MSI2: variants seen among roughly 807,000 people sequenced by gnomAD.
MSI2 encodes the protein musashi RNA binding protein 2.
MSI2 carries 17 observed loss-of-function variants against 45.6 expected under a neutral mutation model. The ratio of observed to expected loss-of-function variants is 0.37; its 90% confidence interval spans 0.26 to 0.56. MSI2 has a LOEUF of 0.56. Ranked by LOEUF, MSI2 falls within the 20% of genes least tolerant of loss-of-function variation. MSI2 has a pLI of 0.77. For missense variants in MSI2, 293 were observed against 444.2 expected (o/e 0.66, Z 3.06); for synonymous variants, 156 against 158.2 (o/e 0.99, Z 0.11).
At chr17:57,390,118 C>T (rs1217780450) in intron 5 of MSI2, among the ~76,000 whole-genome samples, 4 of 151,360 alleles carry the variant, frequency 2.6e-5, no homozygotes, top group Non-Finnish European at 5.9e-5. Flanking sequence ...CAGATGTGGT[C>T]GTGTGTGCAT....
intron 5 of MSI2, among the ~76,000 whole-genome samples, chr17:57,276,245 G>A (rs1386339367): frequency 6.6e-6 from 1 of 152,166 alleles, no homozygotes; most frequent in East Asian, 1.9e-4. Flanking sequence ...ATCGAGTTAT[G>A]GGCCGTGTGG....
intron 5 of MSI2, among the ~76,000 whole-genome samples, chr17:57,295,992 C>CTTTTTTTTTTT (rs386386327): frequency 7.8e-5 from 3 of 38,654 alleles, no homozygotes; most frequent in African/African-American, 1.4e-4. Context: ...CGCAGCCTTC[C>CTTTTTTTTTTT]TTTTTTTTTT....
chr17:57,379,794 A>AT (rs1261725050), intron 5 of MSI2, among the ~76,000 whole-genome samples: 1 of 151,666 alleles, frequency 6.6e-6, no homozygotes, highest in Non-Finnish European at 1.5e-5. Flanking sequence ...TCAGCTCTTG[A>AT]TTGTTTAATA....
intron 10 of MSI2, among the ~76,000 whole-genome samples, chr17:57,641,978 G>T (rs574410476): frequency 6.6e-6 from 1 of 152,214 alleles, no homozygotes; most frequent in Non-Finnish European, 1.5e-5. Context: ...GGGGGCCAGC[G>T]TCGGAGCCCT....
At chr17:57,659,044 G>GT (rs571416283) in intron 11 of MSI2, among the ~76,000 whole-genome samples, 35 of 147,758 alleles carry the variant, frequency 2.4e-4, no homozygotes, top group East Asian at 6.2e-4. Context: ...TTTTGCAGAG[G>GT]TTTTTTTTTT....
intron 5 of MSI2, among the ~76,000 whole-genome samples, chr17:57,336,438 T>C (rs910127725): frequency 2.0e-5 from 3 of 152,236 alleles, no homozygotes; most frequent in Middle Eastern, 3.2e-3. Context: ...CTCCATCTAC[T>C]TTACTGCTTC....
rs1172071136 is a variant in MSI2 at position 57,516,456 on chromosome 17, GA to G, written c.406-13219del. Among the ~76,000 whole-genome samples, 6 of 152,162 alleles carry G rather than the reference GA, an allele frequency of 3.9e-5. No individual in the cohort carries two copies. In the East Asian group the frequency reaches 1.2e-3, roughly 29 times the overall value. On this transcript the variant is annotated intron_variant, in intron 6 of 13. Coordinates refer to ENST00000284073, the MANE Select transcript of MSI2 (RefSeq NM_138962.4). ...TCCAAAAGATGGTTTATTTGCATGC[GA>G]CCCATTGCATCACAGTACATCAAGC...
At chr17:57,512,887 C>T (rs922067012) in intron 6 of MSI2, among the ~76,000 whole-genome samples, 14 of 151,400 alleles carry the variant, frequency 9.2e-5, no homozygotes, top group African/African-American at 2.4e-4. Flanking sequence ...CTGACCAGCT[C>T]GCTGAGGATG....
At chr17:57,357,081 G>A (rs373435876) in intron 5 of MSI2, among the ~76,000 whole-genome samples, 2 of 152,182 alleles carry the variant, frequency 1.3e-5, no homozygotes, top group South Asian at 4.2e-4. Context: ...TTGTGTGCTC[G>A]AGAGCTTGCT....
chr17:57,309,736 C>A (rs1281397140), intron 5 of MSI2, among the ~76,000 whole-genome samples: 2 of 151,968 alleles, frequency 1.3e-5, no homozygotes, highest in African/African-American at 4.8e-5. Flanking sequence ...AGGAAGGAGT[C>A]GTTGGGGAAG....
intron 7 of MSI2, among the ~76,000 whole-genome samples, chr17:57,536,291 G>C (rs1461472641): frequency 2.6e-5 from 4 of 152,222 alleles, no homozygotes; most frequent in African/African-American, 9.6e-5. Flanking sequence ...ATGTGACTTT[G>C]TAGGATGGAG....
At chr17:57,699,016 A>G in the MSI2 span, among the ~76,000 whole-genome samples, 4 of 10,336 alleles carry the variant, frequency 3.9e-4, no homozygotes, top group Admixed American at 3.0e-3. Context: ...AGAGGCGAGG[A>G]GAGAGAGAGA....
chr17:57,284,228 T>C lies in MSI2; in HGVS notation c.312+22036T>C, dbSNP rs187546324. Among the ~76,000 whole-genome samples, 509 of 152,296 alleles carry C rather than the reference T, an allele frequency of 3.3e-3. 4 individuals carry two copies. The highest frequency in any genetic ancestry group is 5.3e-3 in the Non-Finnish European group (360 of 68,014). On this transcript the variant is annotated intron_variant, in intron 5 of 13. Transcript: ENST00000284073. ...CTGTGCTGGGCCCTCCACCCGGTCA[T>C]GGTAGTCCTGGTGACGCCTGGCTGC...
At chr17:57,290,930 G>C (rs888850708) in intron 5 of MSI2, among the ~76,000 whole-genome samples, 1 of 152,248 alleles carries the variant, frequency 6.6e-6, no homozygotes, top group South Asian at 2.1e-4. Flanking sequence ...ACGCTGGGGG[G>C]CCTGATTTGG....
chr17:57,515,879 C>T (rs1481988307), intron 6 of MSI2, among the ~76,000 whole-genome samples: 1 of 151,928 alleles, frequency 6.6e-6, no homozygotes, highest in East Asian at 1.9e-4. Flanking sequence ...ATCATGAGCC[C>T]CCTTGTGGTT....
chr17:57,330,158 G>A (rs1343705561), intron 5 of MSI2, among the ~76,000 whole-genome samples: 1 of 152,068 alleles, frequency 6.6e-6, no homozygotes, highest in Admixed American at 6.5e-5. Context: ...GTGCCTGAGT[G>A]TTCAGCACTG....
chr17:57,532,439 T>A (rs2144079449), intron 7 of MSI2: 1 of 152,284 alleles, frequency 6.6e-6, no homozygotes, highest in African/African-American at 2.4e-5. Context: ...CCCCTCAAGA[T>A]ACCGGAGGAG....
chr17:57,381,345 C>T (rs181199680), intron 5 of MSI2, among the ~76,000 whole-genome samples: 46 of 152,232 alleles, frequency 3.0e-4, no homozygotes, highest in African/African-American at 1.1e-3. Flanking sequence ...GGATTATAGG[C>T]GTGAGCCACC....
At chr17:57,287,777 C>T (rs190595753) in intron 5 of MSI2, among the ~76,000 whole-genome samples, 6 of 152,300 alleles carry the variant, frequency 3.9e-5, no homozygotes, top group South Asian at 2.1e-4. Flanking sequence ...ATGTCTGTTT[C>T]GGCCGGTTAT....
Sources: gnomAD v4.1 joint callset for allele counts (sites outside exome capture counted in the v4.1 genomes callset) on GRCh38, gnomAD v4.1.1 for gene constraint, MANE v1.5 for transcripts, NCBI Gene and HGNC (gene_info 2026-07-23, HGNC 2026-07-21) for gene names.